The following RBFOX1 variants were observed in gnomAD, a reference collection of about 807,000 sequenced individuals.
RBFOX1 encodes the protein RNA binding fox-1 homolog 1.
Under a neutral mutation model 57.7 loss-of-function variants are expected in RBFOX1, and 8 were observed. That is an observed-to-expected ratio of 0.14 (90% CI 0.08 to 0.25). RBFOX1 has a LOEUF of 0.25. Among genes scored for constraint, RBFOX1 ranks in the 10% least tolerant of loss-of-function variants. RBFOX1 has a pLI of 1.00. For synonymous variants in RBFOX1, 326 were observed against 222.4 expected, an observed-to-expected ratio of 1.47 and a Z score of -4.15; for missense variants, 611 against 548.5, an observed-to-expected ratio of 1.11 and a Z score of -1.14.
chr16:5,987,939 A>G (rs1412538204), intron 4 of RBFOX1, among the ~76,000 whole-genome samples: 1 of 152,164 alleles, frequency 6.6e-6, no homozygotes, highest in Non-Finnish European at 1.5e-5. Flanking sequence ...AGATGCAGAG[A>G]GTGAAGATCA....
intron 10 of RBFOX1, among the ~76,000 whole-genome samples, chr16:7,608,209 A>G (rs535717441): frequency 6.6e-6 from 1 of 152,286 alleles, no homozygotes; most frequent in Non-Finnish European, 1.5e-5. Context: ...TAACCTCTTG[A>G]CGGTAAGTCA....
At chr16:7,074,966 C>G (rs769446512) in intron 4 of RBFOX1, among the ~76,000 whole-genome samples, 1 of 151,854 alleles carries the variant, frequency 6.6e-6, no homozygotes, top group Non-Finnish European at 1.5e-5. Flanking sequence ...TAGGGGAGCT[C>G]ATTGAGAGTA....
At position 7,335,053 on chromosome 16, in the gene RBFOX1, G is replaced by A. The variant is rs985217225; in HGVS notation, c.28-183094G>A. Among the ~76,000 whole-genome samples, 19 of 152,254 alleles carry A rather than the reference G, an allele frequency of 1.2e-4. No homozygotes were observed. The East Asian group carries it at 3.5e-3, about 28-fold the overall frequency. ...AAACTGGCTTTACTTATGGTTTGCT[G>A]AGACAGCCCATGTTATTTACCCTTT... On this transcript the variant is annotated intron_variant, in intron 4 of 15. Coordinates refer to ENST00000550418, the MANE Select transcript of RBFOX1 (RefSeq NM_018723.4).
chr16:7,306,554 C>G (rs8060728), intron 4 of RBFOX1, among the ~76,000 whole-genome samples: 41,431 of 149,866 alleles, frequency 0.28, 6,778 homozygotes, highest in African/African-American at 0.45. Flanking sequence ...TAATGTGATA[C>G]TATGACATAA....
At chr16:5,818,401 C>T (rs922789532) in intron 3 of RBFOX1, among the ~76,000 whole-genome samples, 1 of 152,162 alleles carries the variant, frequency 6.6e-6, no homozygotes, top group African/African-American at 2.4e-5. Context: ...GTCCTATTTC[C>T]TGCTCTTGGG....
At chr16:7,388,395 A>G (rs1175630898) in intron 4 of RBFOX1, among the ~76,000 whole-genome samples, 1 of 152,200 alleles carries the variant, frequency 6.6e-6, no homozygotes, top group Non-Finnish European at 1.5e-5. Context: ...GCTGGGGTGT[A>G]TAATTTAAAA....
intron 2 of RBFOX1, among the ~76,000 whole-genome samples, chr16:6,482,656 A>G (rs77855112): frequency 2.6e-5 from 4 of 152,170 alleles, no homozygotes; most frequent in African/African-American, 9.7e-5. Flanking sequence ...ACGTGGAAAA[A>G]GAGTTGAGAT....
chr16:6,619,870 C>G (rs893465340), intron 2 of RBFOX1, among the ~76,000 whole-genome samples: 1 of 152,076 alleles, frequency 6.6e-6, no homozygotes, highest in East Asian at 1.9e-4. Context: ...ACCCTCCACC[C>G]TACAATAGGC....
Position 6,339,018 on chromosome 16 carries a change from C to G in RBFOX1, c.-64+21961C>G, listed in dbSNP as rs144095031. 3.6e-3 allele frequency among the ~76,000 whole-genome samples: 543 copies of G among 152,110 alleles called. 1 individual carries two copies. The highest frequency in any genetic ancestry group is 6.1e-3 in the Non-Finnish European group (412 of 68,012). The stretch of plus-strand genomic sequence containing the variant: ...CCAGGATCCAGTAGCCTGGGGCAGA[C>G]TTAGACAATTAGATAGAAGGATCAG... On this transcript the variant is annotated intron_variant, in intron 2 of 15. Transcript: ENST00000550418.
chr16:7,171,981 G>A (rs767850313), intron 4 of RBFOX1, among the ~76,000 whole-genome samples: 1 of 152,194 alleles, frequency 6.6e-6, no homozygotes, highest in Non-Finnish European at 1.5e-5. Flanking sequence ...AAGCTGTGTA[G>A]TATAGTAGGA....
chr16:6,077,401 C>T (rs1197410968), intron 1 of RBFOX1, among the ~76,000 whole-genome samples: 7 of 152,078 alleles, frequency 4.6e-5, no homozygotes, highest in Admixed American at 6.6e-5. Context: ...TTGGGGCAAG[C>T]CTGTTTATTA....
At chr16:6,089,625 TA>T (rs1188049614) in intron 1 of RBFOX1, among the ~76,000 whole-genome samples, 5 of 152,222 alleles carry the variant, frequency 3.3e-5, no homozygotes, top group African/African-American at 1.2e-4. Context: ...TCTTTTGTGT[TA>T]TCAGCTAATG....
downstream of RBFOX1, chr16:5,601,745 G>C (rs1453874927): frequency 6.6e-6 from 1 of 152,224 alleles, no homozygotes; most frequent in African/African-American, 2.4e-5. Context: ...ACTTACTAAA[G>C]AGCCTTGATA....
At chr16:5,553,413 T>G (rs948151611) in intron 2 of RBFOX1, among the ~76,000 whole-genome samples, 2 of 151,932 alleles carry the variant, frequency 1.3e-5, no homozygotes, top group Admixed American at 1.3e-4. Flanking sequence ...CCTCCCAGGT[T>G]CATGCCATTC....
intron 3 of RBFOX1, among the ~76,000 whole-genome samples, chr16:5,858,290 C>T (rs543454614): frequency 5.9e-5 from 9 of 152,272 alleles, no homozygotes; most frequent in Admixed American, 5.2e-4. Context: ...CCAGGCTCCT[C>T]CCTTCTTCAT....
chr16:7,281,054 G>A (rs1235138986), intron 4 of RBFOX1, among the ~76,000 whole-genome samples: 3 of 142,598 alleles, frequency 2.1e-5, no homozygotes, highest in African/African-American at 7.8e-5. Context: ...CCAGGCTGAA[G>A]TGCAGTGGCA....
intron 3 of RBFOX1, among the ~76,000 whole-genome samples, chr16:6,937,578 G>C (rs538171750): frequency 6.6e-6 from 1 of 152,242 alleles, no homozygotes; most frequent in East Asian, 1.9e-4. Flanking sequence ...ACATTTTAGG[G>C]AGATGTGAGG....
At chr16:5,654,135 C>T (rs777080280) in intron 3 of RBFOX1, among the ~76,000 whole-genome samples, 2 of 152,206 alleles carry the variant, frequency 1.3e-5, no homozygotes, top group Non-Finnish European at 2.9e-5. Context: ...CATGCACCTG[C>T]TGTGTCAGTC....
intron 13 of RBFOX1, among the ~76,000 whole-genome samples, chr16:7,665,267 A>T (rs1190259625): frequency 6.6e-6 from 1 of 152,168 alleles, no homozygotes; most frequent in Non-Finnish European, 1.5e-5. Flanking sequence ...CCCACAAAGA[A>T]ATTGTCTCTC....
Sources: allele counts gnomAD v4.1 joint callset (sites outside exome capture counted in the v4.1 genomes callset), GRCh38; gene constraint gnomAD v4.1.1; transcripts MANE v1.5; gene names NCBI Gene and HGNC (gene_info 2026-07-23, HGNC 2026-07-21).